The following KCNIP4 variants were observed in gnomAD, a reference collection of about 807,000 sequenced individuals.
KCNIP4 encodes the protein Kv channel-interacting protein 4.
Under a neutral mutation model 34.0 loss-of-function variants are expected in KCNIP4, and 12 were observed. That is an observed-to-expected ratio of 0.35 (90% CI 0.23 to 0.57). The LOEUF (loss-of-function observed/expected upper bound fraction) is 0.57. Among genes scored for constraint, KCNIP4 ranks in the 20% least tolerant of loss-of-function variants. KCNIP4 has a pLI of 0.83. For synonymous variants in KCNIP4, 124 were observed against 102.2 expected, an observed-to-expected ratio of 1.21 and a Z score of -1.29; for missense variants, 238 against 311.7, an observed-to-expected ratio of 0.76 and a Z score of 1.78.
chr4:21,138,852 C>T (rs551908544), intron 1 of KCNIP4, among the ~76,000 whole-genome samples: 3 of 152,208 alleles, frequency 2.0e-5, no homozygotes, highest in South Asian at 2.1e-4. Context: ...GGCAGGAGTG[C>T]GGGCAGCCTG....
chr4:21,064,681 G>A (rs530816333), intron 1 of KCNIP4, among the ~76,000 whole-genome samples: 142 of 152,248 alleles, frequency 9.3e-4, no homozygotes, highest in African/African-American at 3.1e-3. Context: ...TGTTAGTTGA[G>A]GCTGTAATAA....
intron 1 of KCNIP4, among the ~76,000 whole-genome samples, chr4:21,370,844 TATATATACAC>T (rs1241104027): frequency 1.2e-3 from 30 of 25,904 alleles, no homozygotes; most frequent in Non-Finnish European, 1.0e-3. Context: ...TATATATATA[TATATATACAC>T]ACACACACAC....
At chr4:20,939,477 G>A (rs902158438) in intron 1 of KCNIP4, among the ~76,000 whole-genome samples, 1 of 152,000 alleles carries the variant, frequency 6.6e-6, no homozygotes, top group Non-Finnish European at 1.5e-5. Context: ...AGGTTCAAGC[G>A]ATTCTCCTGC....
At chr4:21,945,636 A>G (rs1730470036) in intron 1 of KCNIP4, among the ~76,000 whole-genome samples, 1 of 152,074 alleles carries the variant, frequency 6.6e-6, no homozygotes, top group Non-Finnish European at 1.5e-5. Context: ...AACATCTGCC[A>G]TCTCTAAGTT....
At chr4:20,885,173 AACTGCCTTTGTAAAGCTAATGAAAGATC>A (rs1484951881) in intron 1 of KCNIP4, among the ~76,000 whole-genome samples, 3 of 152,138 alleles carry the variant, frequency 2.0e-5, no homozygotes, top group African/African-American at 7.2e-5. Flanking sequence ...CCCAAAACTA[AACTGCCTTTGTAAAGCTAATGAAAGATC>A]ACCAGGTTAG....
intron 3 of KCNIP4, among the ~76,000 whole-genome samples, chr4:20,832,914 T>A (rs979132001): frequency 7.9e-5 from 12 of 152,202 alleles, no homozygotes; most frequent in Admixed American, 7.2e-4. Context: ...TCGGTGGTTT[T>A]AAAGGCATGC....
chr4:21,623,608 T>C (rs1231961016), intron 1 of KCNIP4, among the ~76,000 whole-genome samples: 1 of 152,182 alleles, frequency 6.6e-6, no homozygotes, highest in African/African-American at 2.4e-5. Flanking sequence ...CATCTACTAC[T>C]CTCAAAGTTC....
At chr4:21,617,205 T>C (rs577049631) in intron 1 of KCNIP4, among the ~76,000 whole-genome samples, 34 of 152,280 alleles carry the variant, frequency 2.2e-4, no homozygotes, top group African/African-American at 7.7e-4. Context: ...CATTACAAAA[T>C]AGAGTAATTT....
intron 1 of KCNIP4, among the ~76,000 whole-genome samples, chr4:21,433,321 G>A (rs1319817320): frequency 6.6e-6 from 1 of 152,132 alleles, no homozygotes; most frequent in East Asian, 1.9e-4. Context: ...AATATATGGG[G>A]CTGGGTGCAG....
intron 1 of KCNIP4, among the ~76,000 whole-genome samples, chr4:20,978,817 T>A (rs1735739411): frequency 6.6e-6 from 1 of 152,186 alleles, no homozygotes; most frequent in African/African-American, 2.4e-5. Context: ...CTTATGCAAC[T>A]GAGAATATCT....
At chr4:20,994,312 G>A (rs7675477) in intron 1 of KCNIP4, among the ~76,000 whole-genome samples, 17,301 of 152,134 alleles carry the variant, frequency 0.11, 1,036 homozygotes, top group African/African-American at 0.12. Context: ...TGAAGCTCAC[G>A]AAGACAGAGT....
At chr4:21,217,394 G>A (rs1757667929) in intron 1 of KCNIP4, among the ~76,000 whole-genome samples, 1 of 152,108 alleles carries the variant, frequency 6.6e-6, no homozygotes. Context: ...GGAGACATGT[G>A]GGCAAAGGCA....
intron 1 of KCNIP4, among the ~76,000 whole-genome samples, chr4:21,495,549 T>C (rs772918429): frequency 6.6e-6 from 1 of 152,142 alleles, no homozygotes; most frequent in Admixed American, 6.5e-5. Flanking sequence ...AGGTTTAGGA[T>C]TTTGTGGTAT....
chr4:21,220,328 AAT>A (rs1757896336), intron 1 of KCNIP4, among the ~76,000 whole-genome samples: 1 of 152,128 alleles, frequency 6.6e-6, no homozygotes, highest in Non-Finnish European at 1.5e-5. Context: ...CCTATGGCTA[AAT>A]TCAGGGCAAT....
chr4:21,045,841 C>G (rs1477012929), intron 1 of KCNIP4, among the ~76,000 whole-genome samples: 1 of 152,152 alleles, frequency 6.6e-6, no homozygotes, highest in Admixed American at 6.5e-5. Context: ...TTGTGCCAGG[C>G]ATCTCATTTC....
intron 1 of KCNIP4, among the ~76,000 whole-genome samples, chr4:21,571,654 T>C (rs1740377540): frequency 6.6e-6 from 1 of 151,838 alleles, no homozygotes; most frequent in African/African-American, 2.4e-5. Flanking sequence ...GCAGGCAAGT[T>C]AAATGAAAAC....
chr4:21,518,387 T>C (rs1734946268), intron 1 of KCNIP4, among the ~76,000 whole-genome samples: 1 of 152,158 alleles, frequency 6.6e-6, no homozygotes. Flanking sequence ...GCATTTTCTC[T>C]ACAGTGGAGG....
At chr4:21,932,617 T>C (rs183538760) in intron 1 of KCNIP4, among the ~76,000 whole-genome samples, 2 of 152,162 alleles carry the variant, frequency 1.3e-5, no homozygotes, top group Admixed American at 6.5e-5. Context: ...ACCAGTATCA[T>C]TTTACTGGTG....
At chr4:20,950,188 C>T (rs1229275009) in intron 1 of KCNIP4, among the ~76,000 whole-genome samples, 1 of 149,410 alleles carries the variant, frequency 6.7e-6, no homozygotes, top group Non-Finnish European at 1.5e-5. Flanking sequence ...AGAATACATG[C>T]CTTCCTTACC....
Sources: gnomAD v4.1 joint callset for allele counts (sites outside exome capture counted in the v4.1 genomes callset) on GRCh38, gnomAD v4.1.1 for gene constraint, MANE v1.5 for transcripts, NCBI Gene and HGNC (gene_info 2026-07-23, HGNC 2026-07-21) for gene names.